LILRB3: variants seen among roughly 807,000 people sequenced by gnomAD.
The protein encoded by LILRB3 is leukocyte immunoglobulin like receptor B3, also known as leukocyte immunoglobulin-like receptor subfamily B member 3.
LILRB3 carries 32 observed loss-of-function variants against 68.2 expected under a neutral mutation model. The ratio of observed to expected loss-of-function variants is 0.47; its 90% CI spans 0.35 to 0.63. The LOEUF (loss-of-function observed/expected upper bound fraction) is 0.63, where lower values mean the gene tolerates loss of function less well. Among genes scored for constraint, LILRB3 ranks in the 30% least tolerant of loss-of-function variants. The pLI is 0.00. For missense variants in LILRB3, 502 were observed against 791.3 expected (o/e 0.63, Z 4.39); for synonymous variants, 185 against 323.1 (o/e 0.57, Z 4.58).
chr19:54,218,616 C>T (rs772667726), intron 10 of LILRB3, 29 bp downstream of exon 10: 1 of 1,614,140 alleles, frequency 6.2e-7, no homozygotes, highest in South Asian at 1.1e-5. Context: ...CTCTCCAGCA[C>T]CCCCATTTGT....
chr19:54,217,036 G>A, exon 13 of LILRB3: 1 of 1,613,696 alleles, frequency 6.2e-7, no homozygotes, highest in Non-Finnish European at 8.5e-7. Context: ...CAGCTCCCGT[G>A]CCTTCAGCAG....
chr19:54,222,996 C>G (rs771240177), exon 1 of LILRB3: 1 of 1,612,244 alleles, frequency 6.2e-7, no homozygotes, highest in African/African-American at 1.4e-5. Flanking sequence ...TCCCGGTGAC[C>G]CCGCGCTCTG....
intron 10 of LILRB3, 46 bp from the exon 11 acceptor site, chr19:54,218,459 T>G (rs542687935): frequency 6.2e-7 from 1 of 1,612,380 alleles, no homozygotes; most frequent in African/African-American, 1.3e-5. Flanking sequence ...CTCTGAGACC[T>G]CTCAGTCCTG....
exon 6 of LILRB3, chr19:54,220,782 A>C: frequency 6.6e-7 from 1 of 1,519,844 alleles, no homozygotes; most frequent in South Asian, 1.2e-5. Context: ...TCCTGAGGCC[A>C]CTGTGGGGCC....
At chr19:54,218,594 T>C (rs1368614559) in intron 10 of LILRB3, 51 bp downstream of exon 10, 2 of 1,613,640 alleles carry the variant, frequency 1.2e-6, no homozygotes, top group South Asian at 1.1e-5. Context: ...ACTGAAATTT[T>C]GGGACTCCTG....
rs532995804 is a variant in LILRB3, at chr19:54,218,762, C to T, written c.1502+1G>A. 6.2e-7 allele frequency: 1 copy of T among 1,614,114 alleles called. No individual in the cohort carries two copies. On this transcript the variant is annotated splice_donor_variant, in intron 9 of 12. Transcript: ENST00000445347. LOFTEE classifies it high-confidence loss of function. ...GTCTGTGGTCTTTGGGGCAGAATTA[C>T]CTCCTCAGCAGGCCCCTGTCCTTGG...
chr19:54,221,943 G>A (rs748135813), exon 4 of LILRB3: 6 of 1,602,584 alleles, frequency 3.7e-6, no homozygotes, highest in Non-Finnish European at 5.1e-6. Flanking sequence ...GGCCCACAGG[G>A]AACAGGGCCT....
chr19:54,222,090 A>G (rs1452160223), exon 4 of LILRB3: 7 of 1,610,480 alleles, frequency 4.3e-6, no homozygotes, highest in Non-Finnish European at 5.1e-6. Context: ...AGGCCACCAC[A>G]GGGCTGGGCA....
exon 13 of LILRB3, chr19:54,216,967 T>C (rs1452008087): frequency 1.3e-6 from 2 of 1,532,128 alleles, no homozygotes; most frequent in Non-Finnish European, 8.8e-7. Context: ...TCCCAGCGTC[T>C]CCTCATGGTC....
At chr19:54,219,849 A>G in intron 7 of LILRB3, 1 of 1,543,844 alleles carries the variant, frequency 6.5e-7, no homozygotes, top group Non-Finnish European at 8.8e-7. Context: ...CCCATCTCCC[A>G]CTCAGAGCCC....
rs1177870528 is a variant in LILRB3 at position 54,218,391 on chromosome 19, CTG to C, written c.1561_1562del (p.Gln521ValfsTer2). 15 of 1,614,176 alleles carry C rather than the reference CTG, an allele frequency of 9.3e-6. No homozygotes were observed. The highest frequency in any genetic ancestry group is 3.3e-5 in the Admixed American group (2 of 60,022). On this transcript the variant is annotated frameshift_variant, in exon 11 of 13. Transcript: ENST00000445347. LOFTEE classifies it high-confidence loss of function. ...TGTCCAGCTCCACCCTGTCCTCAGACTGTGTGTCCTTCACAGCAGCATCTGCT... is the reference window on the plus strand; with the variant it reads ...TGTCCAGCTCCACCCTGTCCTCAGACTGTGTCCTTCACAGCAGCATCTGCT...
At chr19:54,219,043 G>A (rs2077784893) in intron 8 of LILRB3, 86 bp downstream of exon 8, 1 of 1,534,842 alleles carries the variant, frequency 6.5e-7, no homozygotes, top group Non-Finnish European at 8.8e-7. Context: ...TTTCTAAACT[G>A]ACACCCCTGT....
At chr19:54,217,081 G>A (rs921482438) in exon 13 of LILRB3, 23 of 1,613,964 alleles carry the variant, frequency 1.4e-5, no homozygotes, top group Middle Eastern at 3.3e-4. Flanking sequence ...TGGGGTCTGC[G>A]TACCCCCCGG....
chr19:54,219,340 A>G (rs1469293805), intron 7 of LILRB3, 95 bp from the exon 8 acceptor site: 1 of 1,483,126 alleles, frequency 6.7e-7, no homozygotes, highest in Non-Finnish European at 9.1e-7. Context: ...GTGACCTCCA[A>G]CCCTCACAAG....
chr19:54,219,418 C>G, intron 7 of LILRB3, 173 bp from the exon 8 acceptor site: 4 of 1,487,802 alleles, frequency 2.7e-6, no homozygotes, highest in Non-Finnish European at 3.7e-6. Context: ...AGGCTCAGAG[C>G]AGGGAGTCGC....
Position 54,220,145 on chromosome 19 carries a change from A to T in LILRB3, c.1309+10T>A, listed in dbSNP as rs1260599819. 2.7e-6 allele frequency: 4 copies of T among 1,505,746 alleles called. No homozygotes were observed. Among genetic ancestry groups the T allele is most frequent in the Non-Finnish European group, 3.6e-6 (4 of 1,115,812 alleles). 93.3% of individuals were successfully genotyped at this position (1,505,746 alleles called of 1,614,324 possible). A position where few individuals can be genotyped will look rare whatever the true frequency, so the allele number is the denominator to read the frequency against. On this transcript the variant is annotated intron_variant, in intron 7 of 12. Coordinates refer to ENST00000445347, the Ensembl canonical transcript of LILRB3. ...GAGGCGGCGCTCCCCAAGAGGCCTC[A>T]GTGACTCACCAGGTGTGGAGGGCGG...
At chr19:54,219,196 G>T (rs141100247) in exon 8 of LILRB3, 55 of 1,604,172 alleles carry the variant, frequency 3.4e-5, no homozygotes, top group Non-Finnish European at 4.6e-5. Context: ...AGAGCAGCAG[G>T]ACGAAGGCCA....
In LILRB3 at chr19:54,222,267, T is replaced by G; in HGVS notation, c.355+11A>C. ...AGAGCCTGGGGCTGGGACCCCAGAG[T>G]GTCCTCTCACCTGTCATCACCAGCT... is the stretch of plus-strand genomic sequence containing the variant. On this transcript the variant is annotated intron_variant, in intron 3 of 12. Transcript: ENST00000445347. 6.2e-7 allele frequency: 1 copy of G among 1,610,744 alleles called. No homozygotes were observed. Among genetic ancestry groups the G allele is most frequent in the Non-Finnish European group, 8.5e-7 (1 of 1,179,368 alleles).
intron 11 of LILRB3, among the ~76,000 whole-genome samples, chr19:54,218,094 C>T (rs979370975): frequency 8.0e-5 from 12 of 149,714 alleles, no homozygotes; most frequent in Non-Finnish European, 1.0e-4. Context: ...TTCATTTATT[C>T]GTCATCCTCC....
Sources: gnomAD v4.1 joint callset for allele counts (sites outside exome capture counted in the v4.1 genomes callset) on GRCh38, gnomAD v4.1.1 for gene constraint, MANE v1.5 for transcripts, NCBI Gene and HGNC (gene_info 2026-07-23, HGNC 2026-07-21) for gene names.